PROX1: variants seen among roughly 807,000 people sequenced by gnomAD.
PROX1 encodes prospero homeobox protein 1.
In PROX1, 7 loss-of-function variants were observed where a neutral mutation model predicts 58.8. The ratio of observed to expected loss-of-function variants is 0.12; its 90% confidence interval spans 0.07 to 0.22. The LOEUF (loss-of-function observed/expected upper bound fraction) is 0.22, where lower values mean the gene tolerates loss of function less well. Ranked by LOEUF, PROX1 falls within the 10% of genes least tolerant of loss-of-function variation. The pLI is 1.00. For missense variants in PROX1, 675 were observed against 927.8 expected (o/e 0.73, Z 3.54); for synonymous variants, 350 against 358.3 (o/e 0.98, Z 0.26).
At chr1:214,025,462 T>G (rs889842430) in intron 4 of PROX1, among the ~76,000 whole-genome samples, 5 of 152,220 alleles carry the variant, frequency 3.3e-5, no homozygotes, top group African/African-American at 1.2e-4. Flanking sequence ...AAGCTAAGAA[T>G]GACTTAAATT....
At chr1:214,009,238 A>C (rs1355040571) in intron 3 of PROX1, among the ~76,000 whole-genome samples, 4 of 152,204 alleles carry the variant, frequency 2.6e-5, no homozygotes, top group African/African-American at 9.7e-5. Context: ...TGAGGCTGAG[A>C]TGTCCCGTGG....
intron 4 of PROX1, among the ~76,000 whole-genome samples, chr1:214,015,504 C>A (rs949282637): frequency 6.6e-6 from 1 of 151,864 alleles, no homozygotes; most frequent in Non-Finnish European, 1.5e-5. Flanking sequence ...ACTTTAGGGG[C>A]GTATGAGTTG....
At chr1:213,996,125 C>T (rs908613885) in intron 1 of PROX1, among the ~76,000 whole-genome samples, 1 of 152,054 alleles carries the variant, frequency 6.6e-6, no homozygotes, top group Non-Finnish European at 1.5e-5. Context: ...AATCTCAATG[C>T]CCAAAATTTA....
At chr1:213,993,592 T>C (rs1417381699) in intron 1 of PROX1, among the ~76,000 whole-genome samples, 2 of 152,198 alleles carry the variant, frequency 1.3e-5, no homozygotes, top group Non-Finnish European at 2.9e-5. Context: ...TTATGAAATG[T>C]GATGCTAATA....
chr1:214,011,367 CCTCTTGCCT>C (rs1342583011), intron 3 of PROX1, among the ~76,000 whole-genome samples, 145 bp from the exon 4 acceptor site: 2 of 152,168 alleles, frequency 1.3e-5, no homozygotes, highest in African/African-American at 4.8e-5. Context: ...GTATATTCTT[CCTCTTGCCT>C]CTCTTGCCAC....
At position 214,027,404 on chromosome 1, in the gene PROX1, C is replaced by A. The variant is rs186840389; in HGVS notation, c.2029-8245C>A. On this transcript the variant is annotated intron_variant, in intron 4 of 4. Transcript: ENST00000366958. ...TCTTTCTTCCCTTCTTTTTTAAAGT[C>A]AAGCATCAACCGAAACTGCTCCCAA... Among the ~76,000 whole-genome samples the A allele has an allele frequency of 3.9e-5, 6 of 152,262 alleles. No individual in the cohort carries two copies. In the East Asian group the frequency reaches 1.2e-3, roughly 29 times the overall value.
Position 214,011,634 on chromosome 1 carries a change from T to C in PROX1, c.1947T>C (p.Ser649=). Residue 649 remains serine, a synonymous_variant, in exon 4 of 5, where the codon AGT becomes AGC. Coordinates refer to ENST00000366958, the MANE Select transcript of PROX1 (RefSeq NM_001270616.2). ...AAGCCATCAACGATGGGGTCACCAG[T>C]ACTGAAGAGCTGTCTATAACCAGAG... The part of the protein sequence containing the change: ...ARQAINDGVT[S]TEELSITRDC... The C allele has an allele frequency of 6.2e-7, 1 of 1,614,120 alleles. No individual in the cohort carries two copies. Among genetic ancestry groups the C allele is most frequent in the Non-Finnish European group, 8.5e-7 (1 of 1,179,964 alleles).
At chr1:214,027,099 G>C (rs1664483538) in intron 4 of PROX1, among the ~76,000 whole-genome samples, 1 of 152,134 alleles carries the variant, frequency 6.6e-6, no homozygotes, top group South Asian at 2.1e-4. Context: ...CTTTCCCGTT[G>C]CCACTTTTTG....
At chr1:213,985,966 A>C (rs1006067377), upstream of PROX1, 1 of 152,230 alleles carries the variant, frequency 6.6e-6, no homozygotes, top group African/African-American at 2.4e-5. Flanking sequence ...TATATGTACA[A>C]ACCAAGATTC....
rs1444956986 is a variant in PROX1, at chr1:214,039,818, C to CAG, written c.*3985_*3986insGA. Reference sequence around the variant, plus strand: ...GTGCGCATACACACACACACACACACACACACACACACAAACACACACACT... The same window carrying CAG: ...GTGCGCATACACACACACACACACACAGACACACACACACAAACACACACACT... On this transcript the variant is annotated 3_prime_UTR_variant, in exon 5 of 5. Transcript: ENST00000366958. 4 of 149,758 alleles carry CAG rather than the reference C, an allele frequency of 2.7e-5. No individual in the cohort carries two copies. The highest frequency in any genetic ancestry group is 1.0e-4 in the African/African-American group (4 of 39,148). 9.3% of individuals were successfully genotyped at this position (149,758 alleles called of 1,614,324 possible).
chr1:214,024,934 C>T (rs559404446), intron 4 of PROX1, among the ~76,000 whole-genome samples: 4 of 152,180 alleles, frequency 2.6e-5, no homozygotes, highest in African/African-American at 9.7e-5. Flanking sequence ...TTGTCTTGAA[C>T]TCAGACACCA....
upstream of PROX1, chr1:213,987,913 A>C (rs1227676346): frequency 6.6e-6 from 1 of 151,054 alleles, no homozygotes; most frequent in African/African-American, 2.4e-5. Context: ...TGTGACGTGC[A>C]GTCTTCCTGT....
intron 4 of PROX1, among the ~76,000 whole-genome samples, chr1:214,031,919 AAC>A (rs1019937425): frequency 1.3e-4 from 20 of 152,202 alleles, no homozygotes; most frequent in African/African-American, 4.6e-4. Context: ...GGAGCCACCA[AAC>A]ACATGAGTTG....
Position 214,011,641 on chromosome 1 carries a change from G to C in PROX1, c.1954G>C (p.Glu652Gln). 6.2e-7 allele frequency: 1 copy of C among 1,614,078 alleles called. No homozygotes were observed. The highest frequency in any genetic ancestry group is 8.5e-7 in the Non-Finnish European group (1 of 1,179,966). Residue 652 changes from glutamate to glutamine, a missense_variant, in exon 4 of 5, where the codon GAG becomes CAG. Glu to Gln is a conservative substitution (Grantham distance 29, BLOSUM62 2). Coordinates refer to ENST00000366958, the MANE Select transcript of PROX1 (RefSeq NM_001270616.2). Reference protein sequence around the residue: ...AINDGVTSTEELSITRDCELY... With the variant: ...AINDGVTSTEQLSITRDCELY... ...CAACGATGGGGTCACCAGTACTGAA[G>C]AGCTGTCTATAACCAGAGACTGTGA... is the stretch of plus-strand genomic sequence containing the variant.
chr1:214,033,246 G>A (rs1664720476), intron 4 of PROX1, among the ~76,000 whole-genome samples: 1 of 152,200 alleles, frequency 6.6e-6, no homozygotes, highest in African/African-American at 2.4e-5. Context: ...GAATTTCACT[G>A]AGGCTGTATT....
At chr1:214,007,982 G>A (rs2102722628) in intron 3 of PROX1, among the ~76,000 whole-genome samples, 1 of 152,234 alleles carries the variant, frequency 6.6e-6, no homozygotes, top group South Asian at 2.1e-4. Flanking sequence ...CTTGGTCATG[G>A]CCACATTCAT....
intron 3 of PROX1, among the ~76,000 whole-genome samples, chr1:214,008,105 G>A (rs765810068): frequency 2.0e-5 from 3 of 151,866 alleles, no homozygotes; most frequent in African/African-American, 7.3e-5. Flanking sequence ...AGGCTGGAGT[G>A]CAATGGTGCA....
At chr1:214,028,103 A>G (rs774257909) in intron 4 of PROX1, among the ~76,000 whole-genome samples, 5 of 152,138 alleles carry the variant, frequency 3.3e-5, no homozygotes. Context: ...TGCCACCTGG[A>G]GCATCAGAGG....
chr1:213,983,503 C>T (rs939755373), upstream of PROX1, among the ~76,000 whole-genome samples: 2 of 152,218 alleles, frequency 1.3e-5, no homozygotes, highest in Non-Finnish European at 2.9e-5. Flanking sequence ...CCACTGCGCC[C>T]CCGCGTGCAA....
Sources: gnomAD v4.1 joint callset for allele counts (sites outside exome capture counted in the v4.1 genomes callset) on GRCh38, gnomAD v4.1.1 for gene constraint, MANE v1.5 for transcripts, NCBI Gene and HGNC (gene_info 2026-07-23, HGNC 2026-07-21) for gene names.